The following PRKACG variants were observed in gnomAD, a reference collection of about 807,000 sequenced individuals.
PRKACG encodes protein kinase cAMP-activated catalytic subunit gamma.
In PRKACG, 24 loss-of-function variants were observed where a neutral mutation model predicts 25.6. The ratio of observed to expected loss-of-function variants is 0.94; its 90% CI spans 0.68 to 1.32. The LOEUF (loss-of-function observed/expected upper bound fraction) is 1.32. Ranked by LOEUF, PRKACG falls within the 40% of genes most tolerant of loss-of-function variation. The pLI is 0.00. For missense variants in PRKACG, 481 were observed against 462.9 expected (o/e 1.04, Z -0.36); for synonymous variants, 202 against 195.9 (o/e 1.03, Z -0.26).
In PRKACG at chr9:69,013,329, C is replaced by T; in HGVS notation, c.764G>A (p.Arg255Lys). 6.2e-7 allele frequency: 1 copy of T among 1,614,108 alleles called. No homozygotes were observed. Among genetic ancestry groups the T allele is most frequent in the South Asian group, 1.1e-5 (1 of 91,082 alleles). The change falls in exon 1 of 1, where the codon AGG (arginine) becomes AAG (lysine). Residue 255 changes from arginine to lysine, a missense_variant. Coordinates refer to ENST00000377276, the MANE Select transcript of PRKACG (RefSeq NM_002732.4). Reference sequence around the variant, plus strand: ...GCTGAGTTTGGAGGGAAACCGCACCCTCCCAGAGACGATCTTCTCGTAGAT... The same window carrying T: ...GCTGAGTTTGGAGGGAAACCGCACCTTCCCAGAGACGATCTTCTCGTAGAT... ...IQIYEKIVSG[R>K]VRFPSKLSSD...
chr9:69,012,974 T>G lies in PRKACG; in HGVS notation c.*63A>C. On this transcript the variant is annotated 3_prime_UTR_variant, in exon 1 of 1. Transcript: ENST00000377276. Reference sequence around the variant, plus strand: ...GCCCTCTGGCTGTTCAATCCAACCCTCCCATCCCCCAAACCACCAAAAACA... The same window carrying G: ...GCCCTCTGGCTGTTCAATCCAACCCGCCCATCCCCCAAACCACCAAAAACA... The G allele has an allele frequency of 6.6e-7, 1 of 1,518,106 alleles. No homozygotes were observed. The allele number at this position is 1,518,106 out of a possible 1,614,324, so 94.0% of individuals were successfully genotyped here.
chr9:69,012,930 A>T lies in PRKACG; in HGVS notation c.*107T>A. On this transcript the variant is annotated 3_prime_UTR_variant, in exon 1 of 1. Coordinates refer to ENST00000377276, the MANE Select transcript of PRKACG (RefSeq NM_002732.4). ...TGGAGGGTGGGGTGAGGATGAAATTAGATACAAGGAACTCTGGGGCCCTCT... is the reference window on the plus strand; with the variant it reads ...TGGAGGGTGGGGTGAGGATGAAATTTGATACAAGGAACTCTGGGGCCCTCT... The T allele has an allele frequency of 1.8e-6, 2 of 1,126,738 alleles. No individual in the cohort carries two copies. The highest frequency in any genetic ancestry group is 2.5e-6 in the Non-Finnish European group (2 of 801,626). 69.8% of individuals were successfully genotyped at this position (1,126,738 alleles called of 1,614,324 possible).
At position 69,014,068 on chromosome 9, in the gene PRKACG, C is replaced by G; in HGVS notation, c.25G>C (p.Asp9His). ...TTCACGCTCTCCTCCTGCTCGGTGTCCTTCTTGGCGGGGGCGTTGCCCATG... is the reference window on the plus strand; with the variant it reads ...TTCACGCTCTCCTCCTGCTCGGTGTGCTTCTTGGCGGGGGCGTTGCCCATG... MGNAPAKK[D>H]TEQEESVNEF... is the part of the protein sequence containing the mutation. The change falls in exon 1 of 1, where the codon GAC becomes CAC. Residue 9 changes from aspartate to histidine, a missense_variant. By Grantham distance (81) the Asp-to-His change is moderately conservative. Transcript: ENST00000377276. The G allele has an allele frequency of 6.2e-7, 1 of 1,607,072 alleles. No homozygotes were observed.
chr9:69,012,846 G>A lies in PRKACG; in HGVS notation c.*191C>T, dbSNP rs1831288244. Reference sequence around the variant, plus strand: ...GGACCAGGAAGGCATGGGGGGGGGTGAGGGAGCAGCTGGTGTTTCTGTTCC... The same window carrying A: ...GGACCAGGAAGGCATGGGGGGGGGTAAGGGAGCAGCTGGTGTTTCTGTTCC... On this transcript the variant is annotated 3_prime_UTR_variant, in exon 1 of 1. Transcript: ENST00000377276. 1.7e-6 allele frequency: 1 copy of A among 597,470 alleles called. No individual in the cohort carries two copies. The highest frequency in any genetic ancestry group is 2.8e-5 in the East Asian group (1 of 35,432). The allele number at this position is 597,470 out of a possible 1,614,324, so 37.0% of individuals were successfully genotyped here.
rs1377610488 is a variant in PRKACG, at chr9:69,013,521, C to T, written c.572G>A (p.Arg191His). Reference sequence around the variant, plus strand: ...CAAGGTCCAAGTGCGGCCCTTCACGCGCTTGGCGAAACCGAAGTCCGTCAC... The same window carrying T: ...CAAGGTCCAAGTGCGGCCCTTCACGTGCTTGGCGAAACCGAAGTCCGTCAC... ...LQVTDFGFAK[R>H]VKGRTWTLCG... is the part of the protein sequence containing the mutation. The change falls in exon 1 of 1, where the codon CGC becomes CAC. Residue 191 changes from arginine (R) to histidine (H), a missense_variant. Arg to His is a conservative substitution (Grantham distance 29, BLOSUM62 0). Coordinates refer to ENST00000377276, the MANE Select transcript of PRKACG (RefSeq NM_002732.4). 1.9e-6 allele frequency: 3 copies of T among 1,614,032 alleles called. No individual in the cohort carries two copies. The highest frequency in any genetic ancestry group is 1.7e-5 in the Admixed American group (1 of 60,010).
Position 69,014,101 on chromosome 9 carries a change from C to A in PRKACG, c.-9G>T, listed in dbSNP as rs1831312275. ...GCGGGGGCGTTGCCCATGGCGGTGGCGGCGGCAGGGGCGGGGGTCTCGCGG... is the reference window on the plus strand; with the variant it reads ...GCGGGGGCGTTGCCCATGGCGGTGGAGGCGGCAGGGGCGGGGGTCTCGCGG... On this transcript the variant is annotated 5_prime_UTR_variant, in exon 1 of 1. Transcript: ENST00000377276. 2 of 1,527,544 alleles carry A rather than the reference C, an allele frequency of 1.3e-6. No homozygotes were observed. The highest frequency in any genetic ancestry group is 1.8e-6 in the Non-Finnish European group (2 of 1,132,060). 94.6% of individuals were successfully genotyped at this position (1,527,544 alleles called of 1,614,324 possible).
chr9:69,012,704 T>A lies in PRKACG; in HGVS notation c.*333A>T, dbSNP rs548958362. 3.8e-6 allele frequency: 1 copy of A among 266,398 alleles called. No individual in the cohort carries two copies. The highest frequency in any genetic ancestry group is 7.0e-5 in the South Asian group (1 of 14,292). 16.5% of individuals were successfully genotyped at this position (266,398 alleles called of 1,614,324 possible). A position where few individuals can be genotyped will look rare whatever the true frequency, so the allele number is the denominator to read the frequency against. ...TTTGAGCCCCTCTTTCCACACCGTG[T>A]CCCTTGATACAACAGCAAGACCTGG... On this transcript the variant is annotated 3_prime_UTR_variant, in exon 1 of 1. Coordinates refer to ENST00000377276, the MANE Select transcript of PRKACG (RefSeq NM_002732.4).
Position 69,013,449 on chromosome 9 carries a change from C to T in PRKACG, c.644G>A (p.Gly215Asp). The change falls in exon 1 of 1, where the codon GGC becomes GAC. Residue 215 changes from glycine to aspartate, a missense_variant. By Grantham distance (94) the Gly-to-Asp change is moderately conservative. Transcript: ENST00000377276. ...YLAPEIILSKGYNKAVDWWAL... is the reference protein window; with the variant it reads ...YLAPEIILSKDYNKAVDWWAL... ...CCACCAGTCCACGGCCTTGTTGTAGCCTTTGCTCAGGATGATCTCGGGGGC... is the reference window on the plus strand; with the variant it reads ...CCACCAGTCCACGGCCTTGTTGTAGTCTTTGCTCAGGATGATCTCGGGGGC... The T allele has an allele frequency of 6.2e-7, 1 of 1,613,842 alleles. No homozygotes were observed. The highest frequency in any genetic ancestry group is 1.1e-5 in the South Asian group (1 of 91,056).
chr9:69,012,776 G>A lies in PRKACG; in HGVS notation c.*261C>T. Reference sequence around the variant, plus strand: ...CGTTTAAAACAGGCAGAAGGGGGCTGGGGCAAGGGGGACCCTGTGGGAGGA... The same window carrying A: ...CGTTTAAAACAGGCAGAAGGGGGCTAGGGCAAGGGGGACCCTGTGGGAGGA... On this transcript the variant is annotated 3_prime_UTR_variant, in exon 1 of 1. Coordinates refer to ENST00000377276, the MANE Select transcript of PRKACG (RefSeq NM_002732.4). 2.1e-6 allele frequency: 1 copy of A among 481,034 alleles called. No homozygotes were observed. Among genetic ancestry groups the A allele is most frequent in the Non-Finnish European group, 3.7e-6 (1 of 268,786 alleles). The allele number at this position is 481,034 out of a possible 1,614,324, so 29.8% of individuals were successfully genotyped here. A position where few individuals can be genotyped will look rare whatever the true frequency, so the allele number is the denominator to read the frequency against.
Position 69,013,406 on chromosome 9 carries a change from G to C in PRKACG, c.687C>G (p.Ile229Met). Residue 229 changes from isoleucine (I) to methionine (M), a missense_variant, in exon 1 of 1, where the codon ATC becomes ATG. Ile to Met is a conservative substitution (Grantham distance 10). Transcript: ENST00000377276. ...GTGGGAAGCCCACGGCCATCTCATAGATGAGCACCCCTAGGGCCCACCAGT... is the reference window on the plus strand; with the variant it reads ...GTGGGAAGCCCACGGCCATCTCATACATGAGCACCCCTAGGGCCCACCAGT... Reference protein sequence around the residue: ...AVDWWALGVLIYEMAVGFPPF... With the variant: ...AVDWWALGVLMYEMAVGFPPF... 1 of 1,613,676 alleles carries C rather than the reference G, an allele frequency of 6.2e-7. No individual in the cohort carries two copies. Among genetic ancestry groups the C allele is most frequent in the Non-Finnish European group, 8.5e-7 (1 of 1,180,016 alleles).
rs1393547139 is a variant in PRKACG at position 69,013,612 on chromosome 9, G to A, written c.481C>T (p.Leu161Phe). The change falls in exon 1 of 1, where the codon CTC becomes TTC. Residue 161 changes from leucine to phenylalanine, a missense_variant. By Grantham distance (22) the Leu-to-Phe change is conservative. Coordinates refer to ENST00000377276, the MANE Select transcript of PRKACG (RefSeq NM_002732.4). ...VVLAVQYLHS[L>F]DLIHRDLKPE... ...TTCAGGTCGCGGTGGATGAGGTCGA[G>A]CGAGTGTAGGTACTGGACGGCCAGG... The A allele has an allele frequency of 6.2e-7, 1 of 1,613,242 alleles. No individual in the cohort carries two copies. The highest frequency in any genetic ancestry group is 8.5e-7 in the Non-Finnish European group (1 of 1,179,662).
Position 69,013,565 on chromosome 9 carries a change from G to A in PRKACG, c.528C>T (p.Asp176=), listed in dbSNP as rs1312721376. 1 of 1,613,708 alleles carries A rather than the reference G, an allele frequency of 6.2e-7. No homozygotes were observed. The highest frequency in any genetic ancestry group is 1.1e-5 in the South Asian group (1 of 91,032). ...CCGTCACCTGCAGGTAGCCCTGCTG[G>A]TCGATGAGGAGATTCTCGGGCTTCA... is the stretch of plus-strand genomic sequence containing the variant. ...RDLKPENLLI[D]QQGYLQVTDF... The change falls in exon 1 of 1, where the codon GAC becomes GAT. Residue 176 remains aspartate (D), a synonymous_variant. Transcript: ENST00000377276.
chr9:69,014,110 GGGCGGGGGTCTCGCGGCGGCGGCGGCGGC>G (rs1336355729), exon 1 of PRKACG: 1 of 1,292,888 alleles, frequency 7.7e-7, no homozygotes, highest in African/African-American at 1.5e-5. Context: ...GCGGCGGCAG[GGGCGGGGGTCTCGCGGCGGCGGCGGCGGC>G]GGCGGCAGCG....
rs374148103 is a variant in PRKACG, at chr9:69,013,796, G to C, written c.297C>G (p.Ile99Met). 1.9e-6 allele frequency: 3 copies of C among 1,613,856 alleles called. No individual in the cohort carries two copies. The highest frequency in any genetic ancestry group is 1.7e-5 in the Admixed American group (1 of 59,982). ...ILNEKRILQA[I>M]DFPFLVKLQF... ...GGAGCTTGACGAGGAACGGAAAGTC[G>C]ATCGCCTGCAGGATGCGCTTCTCGT... The change falls in exon 1 of 1, where the codon ATC (isoleucine) becomes ATG (methionine). Residue 99 changes from isoleucine to methionine, a missense_variant. Ile to Met is a conservative substitution (Grantham distance 10). Coordinates refer to ENST00000377276, the MANE Select transcript of PRKACG (RefSeq NM_002732.4).
Position 69,013,520 on chromosome 9 carries a change from G to A in PRKACG, c.573C>T (p.Arg191=), listed in dbSNP as rs1335473306. 2.5e-6 allele frequency: 4 copies of A among 1,614,072 alleles called. No individual in the cohort carries two copies. Among genetic ancestry groups the A allele is most frequent in the Middle Eastern group, 3.3e-4 (2 of 6,062 alleles). ...ACAAGGTCCAAGTGCGGCCCTTCACGCGCTTGGCGAAACCGAAGTCCGTCA... is the reference window on the plus strand; with the variant it reads ...ACAAGGTCCAAGTGCGGCCCTTCACACGCTTGGCGAAACCGAAGTCCGTCA... ...LQVTDFGFAK[R]VKGRTWTLCG... Residue 191 remains arginine (R), a synonymous_variant, in exon 1 of 1, where the codon CGC becomes CGT. Coordinates refer to ENST00000377276, the MANE Select transcript of PRKACG (RefSeq NM_002732.4).
rs1831307598 is a variant in PRKACG at position 69,013,958 on chromosome 9, T to A, written c.135A>T (p.Glu45Asp). Residue 45 changes from glutamate to aspartate, a missense_variant, in exon 1 of 1, where the codon GAA becomes GAT. Transcript: ENST00000377276. ...AQNTASSDQF[E>D]RLRTLGMGSF... ...AGCCCATGCCCAGCGTCCTGAGCCGTTCGAACTGATCCGAGCTGGCGGTGT... is the reference window on the plus strand; with the variant it reads ...AGCCCATGCCCAGCGTCCTGAGCCGATCGAACTGATCCGAGCTGGCGGTGT... 6.2e-7 allele frequency: 1 copy of A among 1,613,656 alleles called. No individual in the cohort carries two copies. The highest frequency in any genetic ancestry group is 1.3e-5 in the African/African-American group (1 of 74,874).
chr9:69,014,062 C>A lies in PRKACG; in HGVS notation c.31G>T (p.Glu11Ter). 6.2e-7 allele frequency: 1 copy of A among 1,608,786 alleles called. No homozygotes were observed. The highest frequency in any genetic ancestry group is 8.5e-7 in the Non-Finnish European group (1 of 1,177,626). Residue 11 changes from glutamate (E) to a stop codon, truncating the protein, a stop_gained, in exon 1 of 1, where the codon GAG becomes TAG. Transcript: ENST00000377276. LOFTEE classifies it high-confidence loss of function. MGNAPAKKDT[E>*]QEESVNEFLA... Reference sequence around the variant, plus strand: ...AACTCGTTCACGCTCTCCTCCTGCTCGGTGTCCTTCTTGGCGGGGGCGTTG... The same window carrying A: ...AACTCGTTCACGCTCTCCTCCTGCTAGGTGTCCTTCTTGGCGGGGGCGTTG...
chr9:69,013,628 G>A lies in PRKACG; in HGVS notation c.465C>T (p.Val155=). 6.2e-7 allele frequency: 1 copy of A among 1,613,642 alleles called. No homozygotes were observed. Among genetic ancestry groups the A allele is most frequent in the South Asian group, 1.1e-5 (1 of 91,046 alleles). The change falls in exon 1 of 1, where the codon GTC becomes GTT. Residue 155 remains valine, a synonymous_variant. Coordinates refer to ENST00000377276, the MANE Select transcript of PRKACG (RefSeq NM_002732.4). ...TGAGGTCGAGCGAGTGTAGGTACTG[G>A]ACGGCCAGGACGACCTGGGCGGCAT... is the stretch of plus-strand genomic sequence containing the variant. ...CFYAAQVVLA[V]QYLHSLDLIH...
rs1831288758 is a variant in PRKACG at position 69,012,907 on chromosome 9, G to A, written c.*130C>T. 1.1e-6 allele frequency: 1 copy of A among 899,852 alleles called. No individual in the cohort carries two copies. Among genetic ancestry groups the A allele is most frequent in the African/African-American group, 1.7e-5 (1 of 59,362 alleles). The allele number at this position is 899,852 out of a possible 1,614,324, so 55.7% of individuals were successfully genotyped here. A position where few individuals can be genotyped will look rare whatever the true frequency, so the allele number is the denominator to read the frequency against. On this transcript the variant is annotated 3_prime_UTR_variant, in exon 1 of 1. Coordinates refer to ENST00000377276, the MANE Select transcript of PRKACG (RefSeq NM_002732.4). ...TGGGCTTCCTGCTCCCCCAACCCTG[G>A]AGGGTGGGGTGAGGATGAAATTAGA...
Sources: gnomAD v4.1 joint callset for allele counts on GRCh38, gnomAD v4.1.1 for gene constraint, MANE v1.5 for transcripts, NCBI Gene and HGNC (gene_info 2026-07-23, HGNC 2026-07-21) for gene names.